CAMSAP2: variants seen among roughly 807,000 people sequenced by gnomAD.
CAMSAP2 encodes calmodulin-regulated spectrin-associated protein 2.
Under a neutral mutation model 146.1 loss-of-function variants are expected in CAMSAP2, and 26 were observed. That is an observed-to-expected ratio of 0.18 (90% CI 0.13 to 0.25). The LOEUF (loss-of-function observed/expected upper bound fraction) is 0.25. CAMSAP2 is among the 10% of genes least tolerant of loss of function. The pLI is 1.00. For synonymous variants in CAMSAP2, 499 were observed against 596.6 expected, an observed-to-expected ratio of 0.84 and a Z score of 2.38; for missense variants, 1,381 against 1,759.3, an observed-to-expected ratio of 0.78 and a Z score of 3.85.
chr1:200,795,202 C>G (rs1283956793), intron 2 of CAMSAP2, among the ~76,000 whole-genome samples: 1 of 152,074 alleles, frequency 6.6e-6, no homozygotes, highest in Non-Finnish European at 1.5e-5. Flanking sequence ...TTTAAATAAT[C>G]CTGGACTTGT....
At chr1:200,852,754 A>T in intron 12 of CAMSAP2, 77 bp downstream of exon 12, 1 of 1,445,474 alleles carries the variant, frequency 6.9e-7, no homozygotes, top group Non-Finnish European at 9.3e-7. Flanking sequence ...GTTGGTAAGT[A>T]CTCAAAGAGG....
chr1:200,848,390 A>C lies in CAMSAP2; in HGVS notation c.1621A>C (p.Ser541Arg). 1 of 1,614,062 alleles carries C rather than the reference A, an allele frequency of 6.2e-7. No homozygotes were observed. The highest frequency in any genetic ancestry group is 8.5e-7 in the Non-Finnish European group (1 of 1,179,952). ...DEFGNQIETP[S>R]IEEALQIIHD... ...GTTTGGCAATCAGATCGAGACACCAAGCATTGAAGAAGCATTACAAATAAT... is the reference window on the plus strand; with the variant it reads ...GTTTGGCAATCAGATCGAGACACCACGCATTGAAGAAGCATTACAAATAAT... Residue 541 changes from serine (S) to arginine (R), a missense_variant, in exon 11 of 17, where the codon AGC becomes CGC. Around this residue, in one of 4 missense-constraint regions of CAMSAP2, gnomAD observed 447 missense variants for 462.2 expected, o/e 0.97. Coordinates refer to ENST00000358823, the MANE Select transcript of CAMSAP2 (RefSeq NM_203459.4).
chr1:200,835,546 G>C (rs1318369566), intron 6 of CAMSAP2, among the ~76,000 whole-genome samples: 1 of 152,126 alleles, frequency 6.6e-6, no homozygotes, highest in African/African-American at 2.4e-5. Flanking sequence ...AAAGCCAGTG[G>C]TAAAGACATT....
chr1:200,774,774 C>T (rs142620385), intron 2 of CAMSAP2, among the ~76,000 whole-genome samples: 143 of 152,266 alleles, frequency 9.4e-4, no homozygotes, highest in African/African-American at 3.3e-3. Context: ...GTATATAATT[C>T]ACAAAATAAA....
rs1667812242 is a variant in CAMSAP2, at chr1:200,858,821, C to T, written c.*762C>T. The stretch of plus-strand genomic sequence containing the variant: ...GATTAAATCAGTGCTGTTTTTACAC[C>T]ACTTCTGGCCAACTCAGAATAATTT... On this transcript the variant is annotated 3_prime_UTR_variant, in exon 17 of 17. Transcript: ENST00000358823. The T allele has an allele frequency of 6.6e-6, 1 of 152,502 alleles. No individual in the cohort carries two copies. The allele number at this position is 152,502 out of a possible 1,614,324, so 9.4% of individuals were successfully genotyped here. A position where few individuals can be genotyped will look rare whatever the true frequency, so the allele number is the denominator to read the frequency against.
chr1:200,848,070 A>T lies in CAMSAP2; in HGVS notation c.1301A>T (p.Asp434Val). Residue 434 changes from aspartate (D) to valine (V), a missense_variant, in exon 11 of 17, where the codon GAT becomes GTT. Asp to Val is a radical substitution (Grantham distance 152). Coordinates refer to ENST00000358823, the MANE Select transcript of CAMSAP2 (RefSeq NM_203459.4). ...GGCGTATCATTTGATATTTCTTTTG[A>T]TAAAGAAGATAGTGTACAGAGATCC... Reference protein sequence around the residue: ...VHGVSFDISFDKEDSVQRSTP... With the variant: ...VHGVSFDISFVKEDSVQRSTP... 6.4e-7 allele frequency: 1 copy of T among 1,560,584 alleles called. No homozygotes were observed. Among genetic ancestry groups the T allele is most frequent in the Non-Finnish European group, 8.6e-7 (1 of 1,156,886 alleles).
intron 2 of CAMSAP2, among the ~76,000 whole-genome samples, chr1:200,781,859 G>A (rs1041759955): frequency 6.6e-6 from 1 of 152,084 alleles, no homozygotes; most frequent in Non-Finnish European, 1.5e-5. Context: ...ATTACATCAT[G>A]TGTACTCTTG....
At chr1:200,768,549 A>C (rs1471529056) in intron 2 of CAMSAP2, among the ~76,000 whole-genome samples, 1 of 152,156 alleles carries the variant, frequency 6.6e-6, no homozygotes, top group East Asian at 1.9e-4. Context: ...ACTGTGGTGT[A>C]TTGTAGAAGA....
At chr1:200,749,376 T>TG (rs1664434878) in intron 1 of CAMSAP2, among the ~76,000 whole-genome samples, 1 of 152,240 alleles carries the variant, frequency 6.6e-6, no homozygotes, top group Non-Finnish European at 1.5e-5. Context: ...TGGGCCAGAC[T>TG]GGGCATCATC....
intron 1 of CAMSAP2, among the ~76,000 whole-genome samples, chr1:200,748,494 A>T (rs925282159): frequency 2.0e-5 from 3 of 151,956 alleles, no homozygotes; most frequent in African/African-American, 4.8e-5. Context: ...ATACTTTGTA[A>T]TTCGTTGATA....
Position 200,859,349 on chromosome 1 carries a change from G to A in CAMSAP2, c.*1290G>A, listed in dbSNP as rs1033911843. On this transcript the variant is annotated 3_prime_UTR_variant, in exon 17 of 17. Coordinates refer to ENST00000358823, the MANE Select transcript of CAMSAP2 (RefSeq NM_203459.4). ...ATGCGTAGTTTGTTTTCTTTCATGG[G>A]AAGTAGAGATAAAAATATATACATT... 6.6e-6 allele frequency: 1 copy of A among 152,560 alleles called. No homozygotes were observed. The highest frequency in any genetic ancestry group is 2.4e-5 in the African/African-American group (1 of 41,426). The allele number at this position is 152,560 out of a possible 1,614,324, so 9.5% of individuals were successfully genotyped here. A position where few individuals can be genotyped will look rare whatever the true frequency, so the allele number is the denominator to read the frequency against.
At chr1:200,834,184 G>A (rs1230574088) in intron 6 of CAMSAP2, among the ~76,000 whole-genome samples, 1 of 152,044 alleles carries the variant, frequency 6.6e-6, no homozygotes, top group Non-Finnish European at 1.5e-5. Flanking sequence ...CCAACATGGT[G>A]AAACCTCACG....
chr1:200,788,885 C>T (rs534399546), intron 2 of CAMSAP2, among the ~76,000 whole-genome samples: 122 of 151,690 alleles, frequency 8.0e-4, no homozygotes, highest in African/African-American at 2.7e-3. Flanking sequence ...ATCCTGACCT[C>T]GGGTGATCCG....
intron 2 of CAMSAP2, among the ~76,000 whole-genome samples, chr1:200,782,541 T>C (rs2103023201): frequency 6.6e-6 from 1 of 152,292 alleles, no homozygotes; most frequent in South Asian, 2.1e-4. Context: ...TAGAATTTCA[T>C]ATAGATGAAA....
At chr1:200,811,947 G>A (rs1162159159) in intron 3 of CAMSAP2, among the ~76,000 whole-genome samples, 2 of 151,904 alleles carry the variant, frequency 1.3e-5, no homozygotes, top group Non-Finnish European at 2.9e-5. Flanking sequence ...CTATTCCTGG[G>A]CAGCTCAGCT....
chr1:200,764,776 T>C (rs1447506775), intron 2 of CAMSAP2, among the ~76,000 whole-genome samples: 1 of 152,194 alleles, frequency 6.6e-6, no homozygotes, highest in Non-Finnish European at 1.5e-5. Flanking sequence ...TAAGATATCT[T>C]TTCTGTAGTT....
chr1:200,760,137 T>C (rs1321286206), intron 1 of CAMSAP2, among the ~76,000 whole-genome samples: 2 of 152,190 alleles, frequency 1.3e-5, no homozygotes, highest in Non-Finnish European at 2.9e-5. Flanking sequence ...CTACTACTTA[T>C]GTTTTAGTCG....
intron 6 of CAMSAP2, among the ~76,000 whole-genome samples, chr1:200,838,887 G>A (rs1018716453): frequency 6.6e-6 from 1 of 152,174 alleles, no homozygotes; most frequent in Non-Finnish European, 1.5e-5. Flanking sequence ...GCATGCTTTG[G>A]TGATGAATTG....
chr1:200,832,444 G>A lies in CAMSAP2; in HGVS notation c.787+103G>A. On this transcript the variant is annotated intron_variant, in intron 5 of 16. Coordinates refer to ENST00000358823, the MANE Select transcript of CAMSAP2 (RefSeq NM_203459.4). The surrounding 1 kb of genome is among the most constrained non-coding windows in gnomAD (Gnocchi z 4.2). ...AGCCTAGGTGACTGAGTGGGACCCT[G>A]TCTCAAAAAAAAGACAATATTATTT... 1 of 1,109,684 alleles carries A rather than the reference G, an allele frequency of 9.0e-7. No individual in the cohort carries two copies. Among genetic ancestry groups the A allele is most frequent in the Non-Finnish European group, 1.2e-6 (1 of 806,748 alleles). The allele number at this position is 1,109,684 out of a possible 1,614,324, so 68.7% of individuals were successfully genotyped here.
Sources: allele counts gnomAD v4.1 joint callset (sites outside exome capture counted in the v4.1 genomes callset), GRCh38; gene constraint gnomAD v4.1.1; regional missense constraint gnomAD v4.1.1; non-coding constraint Gnocchi (gnomAD v3.1); transcripts MANE v1.5; gene names NCBI Gene and HGNC (gene_info 2026-07-23, HGNC 2026-07-21).